Variants in TXNRD2 observed in about 807,000 individuals in gnomAD.
TXNRD2 encodes thioredoxin reductase 2.
A neutral mutation model predicts 70.8 loss-of-function variants in TXNRD2; 67 were observed. The ratio of observed to expected loss-of-function variants is 0.95; its 90% CI spans 0.78 to 1.16. The LOEUF is 1.16. TXNRD2 is among the 50% of genes most tolerant of loss of function. The pLI, the probability that TXNRD2 is intolerant of heterozygous loss-of-function variation, is 0.00. For missense variants in TXNRD2, 644 were observed against 719.9 expected (o/e 0.89, Z 1.21); for synonymous variants, 301 against 295.8 (o/e 1.02, Z -0.18).
At chr22:19,913,461 T>C (rs905930301) in intron 7 of TXNRD2, among the ~76,000 whole-genome samples, 1 of 152,150 alleles carries the variant, frequency 6.6e-6, no homozygotes, top group East Asian at 1.9e-4. Context: ...TCAGCAACTA[T>C]AGGGTCATCT....
At chr22:19,921,532 G>T (rs1301225900) in intron 2 of TXNRD2, among the ~76,000 whole-genome samples, 2 of 152,032 alleles carry the variant, frequency 1.3e-5, no homozygotes, top group African/African-American at 4.8e-5. Flanking sequence ...CAGGTAAAAT[G>T]CATGAAACAA....
intron 11 of TXNRD2, chr22:19,894,407 G>C (rs1282428258): frequency 2.0e-5 from 3 of 152,578 alleles, no homozygotes; most frequent in African/African-American, 7.2e-5. Flanking sequence ...TGAATTTGAT[G>C]TTATGTGTAT....
At chr22:19,899,092 C>G (rs747521513) in intron 8 of TXNRD2, 24 bp from the exon 9 acceptor site, 1 of 1,607,062 alleles carries the variant, frequency 6.2e-7, no homozygotes, top group Non-Finnish European at 8.5e-7. Flanking sequence ...AGAGAGAGAG[C>G]ACATGTAAAG....
chr22:19,935,807 A>G (rs910550290), intron 1 of TXNRD2, among the ~76,000 whole-genome samples: 6 of 152,186 alleles, frequency 3.9e-5, no homozygotes, highest in African/African-American at 1.4e-4. Flanking sequence ...CTTTTTCCTA[A>G]GTGCATGTGG....
At chr22:19,909,841 A>AC in intron 8 of TXNRD2, among the ~76,000 whole-genome samples, 1 of 88,986 alleles carries the variant, frequency 1.1e-5, no homozygotes, top group African/African-American at 5.2e-5. Context: ...ACACACACCC[A>AC]CACCCTTCAC....
chr22:19,895,357 T>C (rs1044894436), intron 11 of TXNRD2, 50 bp downstream of exon 11: 2 of 1,611,986 alleles, frequency 1.2e-6, no homozygotes, highest in Non-Finnish European at 1.7e-6. Context: ...AGATTCTCCA[T>C]GCACCTCGGG....
chr22:19,934,880 T>A lies in TXNRD2; in HGVS notation c.104-3782A>T, dbSNP rs561308174. Reference sequence around the variant, plus strand: ...CCTGGGCCCCCAAGTAATACTTTTATAATTTCTTATGCCTGTCTTTATCTC... The same window carrying A: ...CCTGGGCCCCCAAGTAATACTTTTAAAATTTCTTATGCCTGTCTTTATCTC... On this transcript the variant is annotated intron_variant, in intron 1 of 17. Transcript: ENST00000400521. 3.3e-5 allele frequency among the ~76,000 whole-genome samples: 5 copies of A among 152,306 alleles called. No individual in the cohort carries two copies. The South Asian group carries it at 1.0e-3, about 32-fold the overall frequency.
intron 2 of TXNRD2, among the ~76,000 whole-genome samples, chr22:19,929,154 C>T (rs1432458744): frequency 1.9e-4 from 29 of 151,786 alleles, no homozygotes; most frequent in African/African-American, 6.0e-4. Flanking sequence ...AGTGAAACCC[C>T]GTCTCTACTA....
intron 2 of TXNRD2, among the ~76,000 whole-genome samples, chr22:19,929,960 A>G (rs1055531375): frequency 3.9e-5 from 6 of 151,988 alleles, no homozygotes; most frequent in Non-Finnish European, 5.9e-5. Flanking sequence ...ATTAAAGGGG[A>G]CTCAGGTCTC....
chr22:19,926,354 G>C (rs1001479970), intron 2 of TXNRD2, among the ~76,000 whole-genome samples: 1 of 151,774 alleles, frequency 6.6e-6, no homozygotes, highest in Non-Finnish European at 1.5e-5. Flanking sequence ...GTCGGGTATA[G>C]TGGTGTGTGC....
chr22:19,909,531 CCA>C (rs542311321), intron 8 of TXNRD2, among the ~76,000 whole-genome samples: 1,281 of 106,262 alleles, frequency 0.012, 33 homozygotes, highest in African/African-American at 0.052. Context: ...CACACACACA[CCA>C]CACACACACA....
Position 19,877,063 on chromosome 22 carries a change from G to A in TXNRD2, c.*42C>T, listed in dbSNP as rs750521095. On this transcript the variant is annotated 3_prime_UTR_variant, in exon 17 of 18. Coordinates refer to ENST00000400521, the MANE Select transcript of TXNRD2 (RefSeq NM_006440.5). ...ACCTGGGTCTGGCCTCCGAGGAGCT[G>A]GCGGCGGGCGCACCGTGTGCCCTGG... 3.6e-5 allele frequency: 56 copies of A among 1,571,472 alleles called. No individual in the cohort carries two copies. The highest frequency in any genetic ancestry group is 4.4e-5 in the Non-Finnish European group (50 of 1,149,206).
intron 1 of TXNRD2, among the ~76,000 whole-genome samples, chr22:19,937,462 T>C (rs569983185): frequency 1.8e-4 from 27 of 152,334 alleles, no homozygotes; most frequent in African/African-American, 6.3e-4. Context: ...CTTCTTCATA[T>C]GTTAGCTTTT....
At chr22:19,925,534 A>T (rs908429219) in intron 2 of TXNRD2, among the ~76,000 whole-genome samples, 5 of 151,922 alleles carry the variant, frequency 3.3e-5, no homozygotes, top group African/African-American at 1.2e-4. Context: ...TTAAACAAAA[A>T]TAATAATGAT....
intron 11 of TXNRD2, among the ~76,000 whole-genome samples, chr22:19,885,041 G>A (rs1938960626): frequency 2.0e-5 from 3 of 152,126 alleles, no homozygotes; most frequent in Admixed American, 1.3e-4. Context: ...GCCAGTCCAG[G>A]GGGTCAGCAC....
intron 17 of TXNRD2, chr22:19,876,204 A>G (rs978637733): frequency 6.6e-6 from 1 of 152,006 alleles, no homozygotes; most frequent in Non-Finnish European, 1.5e-5. Flanking sequence ...GCCTGTCCAC[A>G]GGCATCTTGG....
chr22:19,915,450 C>T (rs1940594800), intron 6 of TXNRD2, among the ~76,000 whole-genome samples, 174 bp from the exon 7 acceptor site: 1 of 152,120 alleles, frequency 6.6e-6, no homozygotes, highest in Admixed American at 6.5e-5. Context: ...CAACCATCAG[C>T]CTGGCAGGAG....
At chr22:19,925,271 A>G (rs778703209) in intron 2 of TXNRD2, among the ~76,000 whole-genome samples, 41 of 151,954 alleles carry the variant, frequency 2.7e-4, no homozygotes, top group Non-Finnish European at 4.7e-4. Flanking sequence ...GCGACAGAGC[A>G]AGACTCCATC....
At chr22:19,910,425 G>A (rs1940354631) in intron 8 of TXNRD2, among the ~76,000 whole-genome samples, 1 of 152,182 alleles carries the variant, frequency 6.6e-6, no homozygotes, top group South Asian at 2.1e-4. Context: ...CCTCCTTAAT[G>A]TTCTCCCTGA....
Sources: allele counts gnomAD v4.1 joint callset (sites outside exome capture counted in the v4.1 genomes callset), GRCh38; gene constraint gnomAD v4.1.1; transcripts MANE v1.5; gene names NCBI Gene and HGNC (gene_info 2026-07-23, HGNC 2026-07-21).